VPS41: variants seen among roughly 807,000 people sequenced by gnomAD.
VPS41 encodes VPS41 subunit of HOPS complex.
A neutral mutation model predicts 130.9 loss-of-function variants in VPS41; 85 were observed. The ratio of observed to expected loss-of-function variants is 0.65; its 90% CI spans 0.55 to 0.78. The LOEUF (loss-of-function observed/expected upper bound fraction) is 0.78. Among genes scored for constraint, VPS41 ranks in the 30% least tolerant of loss-of-function variants. VPS41 has a pLI of 0.00. For missense variants in VPS41, 874 were observed against 1,018.7 expected (o/e 0.86, Z 1.93); for synonymous variants, 335 against 332.9 (o/e 1.01, Z -0.07).
chr7:38,832,994 G>T (rs933889484), intron 4 of VPS41, among the ~76,000 whole-genome samples: 3 of 151,990 alleles, frequency 2.0e-5, no homozygotes, highest in Non-Finnish European at 2.9e-5. Context: ...CTCTGGAAAG[G>T]GCTCTTCCTG....
chr7:38,826,361 T>C (rs1327824702), intron 5 of VPS41, among the ~76,000 whole-genome samples: 2 of 152,166 alleles, frequency 1.3e-5, no homozygotes, highest in Non-Finnish European at 2.9e-5. Context: ...ATTAAAAAAG[T>C]CCTGCAGAAC....
chr7:38,736,848 C>A (rs1346680620), intron 25 of VPS41, among the ~76,000 whole-genome samples: 1 of 152,202 alleles, frequency 6.6e-6, no homozygotes, highest in African/African-American at 2.4e-5. Context: ...AAAGCATTCA[C>A]AAATAGTTAA....
intron 4 of VPS41, among the ~76,000 whole-genome samples, chr7:38,854,271 C>A (rs1785931893): frequency 6.6e-6 from 1 of 152,322 alleles, no homozygotes; most frequent in African/African-American, 2.4e-5. Flanking sequence ...CAAAAAGATA[C>A]ATGCCCTGCT....
chr7:38,776,851 CTG>C, intron 10 of VPS41, 75 bp from the exon 11 acceptor site: 1 of 756,156 alleles, frequency 1.3e-6, no homozygotes, highest in Non-Finnish European at 2.3e-6. Context: ...AACACAATGA[CTG>C]TGAATGCTAG....
chr7:38,749,776 G>A (rs1415033264), intron 22 of VPS41, among the ~76,000 whole-genome samples: 1 of 152,184 alleles, frequency 6.6e-6, no homozygotes, highest in African/African-American at 2.4e-5. Flanking sequence ...TCGCAAATTG[G>A]TACATACGAT....
intron 7 of VPS41, among the ~76,000 whole-genome samples, chr7:38,809,741 C>G (rs1241347014): frequency 6.6e-6 from 1 of 152,114 alleles, no homozygotes; most frequent in Non-Finnish European, 1.5e-5. Flanking sequence ...TCTATCCCAC[C>G]GTAACGCCAA....
intron 1 of VPS41, among the ~76,000 whole-genome samples, chr7:38,906,581 G>A (rs771889929): frequency 2.6e-5 from 4 of 151,634 alleles, no homozygotes; most frequent in Admixed American, 2.6e-4. Flanking sequence ...TCAAACAATC[G>A]CCCCACCTTG....
At chr7:38,776,899 C>A in intron 10 of VPS41, 123 bp from the exon 11 acceptor site, 1 of 530,442 alleles carries the variant, frequency 1.9e-6, no homozygotes, top group Non-Finnish European at 3.5e-6. Context: ...AAAGGGGACA[C>A]CGTTGAACAT....
chr7:38,753,984 T>C (rs1334811380), intron 21 of VPS41, among the ~76,000 whole-genome samples: 2 of 152,194 alleles, frequency 1.3e-5, no homozygotes, highest in African/African-American at 2.4e-5. Context: ...GTCCTACTGA[T>C]ATAATCCCTA....
intron 5 of VPS41, among the ~76,000 whole-genome samples, chr7:38,829,163 T>C (rs1038953012): frequency 2.6e-5 from 4 of 152,220 alleles, no homozygotes; most frequent in African/African-American, 9.6e-5. Flanking sequence ...AATCTCAGAA[T>C]TTCTGAAAGT....
At chr7:38,889,837 T>C (rs988385354) in intron 2 of VPS41, among the ~76,000 whole-genome samples, 2 of 152,182 alleles carry the variant, frequency 1.3e-5, no homozygotes, top group African/African-American at 4.8e-5. Context: ...TGACATTTGA[T>C]AGTTGAAGCC....
At chr7:38,816,967 C>G (rs1785063346) in intron 7 of VPS41, among the ~76,000 whole-genome samples, 1 of 152,138 alleles carries the variant, frequency 6.6e-6, no homozygotes, top group Non-Finnish European at 1.5e-5. Flanking sequence ...GTTTCAAACT[C>G]CCAGCCTCAA....
At chr7:38,863,426 A>G (rs1400362805) in intron 3 of VPS41, among the ~76,000 whole-genome samples, 1 of 152,164 alleles carries the variant, frequency 6.6e-6, no homozygotes, top group Admixed American at 6.5e-5. Context: ...CTTCATTGCA[A>G]CCCATAATGA....
In VPS41 at chr7:38,742,018, G is replaced by C. The variant is rs1480275788; in HGVS notation, c.2226C>G (p.Ser742=). The change falls in exon 25 of 29, where the codon TCC becomes TCG. Residue 742 remains serine, a synonymous_variant. Transcript: ENST00000310301. ...EGMEIPNLRD[S]LVKILQDYNL... is the part of the protein sequence containing the mutation. ...TGTAGTCTTGCAGAATTTTAACCAA[G>C]GAATCTCTCAAATTGGGGATCTCCA... 23 of 1,613,042 alleles carry C rather than the reference G, an allele frequency of 1.4e-5. No homozygotes were observed. The highest frequency in any genetic ancestry group is 1.9e-5 in the Non-Finnish European group (22 of 1,179,654).
At chr7:38,846,107 TA>T (rs1265095544) in intron 4 of VPS41, among the ~76,000 whole-genome samples, 1 of 152,046 alleles carries the variant, frequency 6.6e-6, no homozygotes, top group Non-Finnish European at 1.5e-5. Flanking sequence ...AAAAAGCAAC[TA>T]ATAGTACCAA....
At chr7:38,884,657 C>A (rs928026353) in intron 2 of VPS41, among the ~76,000 whole-genome samples, 2 of 152,148 alleles carry the variant, frequency 1.3e-5, no homozygotes, top group Non-Finnish European at 2.9e-5. Flanking sequence ...GCCTGGCCTA[C>A]ACCAATTAAC....
chr7:38,734,499 G>A (rs868615052), intron 25 of VPS41, among the ~76,000 whole-genome samples: 95 of 152,156 alleles, frequency 6.2e-4, no homozygotes, highest in Middle Eastern at 3.4e-3. Context: ...TTTACAACAC[G>A]ACTGTTGAAA....
intron 3 of VPS41, 25 bp from the exon 4 acceptor site, chr7:38,862,647 T>C (rs760375331): frequency 3.5e-6 from 5 of 1,435,662 alleles, no homozygotes; most frequent in South Asian, 1.2e-5. Context: ...AAGAGGCCAG[T>C]TAATTAATTA....
At chr7:38,744,037 G>T (rs976530430) in intron 23 of VPS41, among the ~76,000 whole-genome samples, 2 of 152,150 alleles carry the variant, frequency 1.3e-5, no homozygotes, top group Non-Finnish European at 2.9e-5. Flanking sequence ...TGTGCATACT[G>T]CTTTTCTGAT....
Sources: gnomAD v4.1 joint callset for allele counts (sites outside exome capture counted in the v4.1 genomes callset) on GRCh38, gnomAD v4.1.1 for gene constraint, MANE v1.5 for transcripts, NCBI Gene and HGNC (gene_info 2026-07-23, HGNC 2026-07-21) for gene names.